The following PAK5 variants were observed in gnomAD, a reference collection of about 807,000 sequenced individuals.
The protein encoded by PAK5 is p21 (RAC1) activated kinase 5, also known as serine/threonine-protein kinase PAK 5.
In PAK5, 16 loss-of-function variants were observed where a neutral mutation model predicts 65.9. The observed-to-expected ratio is 0.24, with a 90% confidence interval of 0.16 to 0.37. The LOEUF (loss-of-function observed/expected upper bound fraction) is 0.37, where lower values mean the gene tolerates loss of function less well. PAK5 is among the 10% of genes least tolerant of loss of function. The pLI, the probability that PAK5 is intolerant of heterozygous loss-of-function variation, is 1.00. For synonymous variants in PAK5, 371 were observed against 354.9 expected (o/e 1.05, Z -0.51); for missense variants, 785 against 903.9 (o/e 0.87, Z 1.69).
At chr20:9,706,360 T>G (rs1364080563) in intron 2 of PAK5, among the ~76,000 whole-genome samples, 1 of 152,214 alleles carries the variant, frequency 6.6e-6, no homozygotes, top group African/African-American at 2.4e-5. Context: ...AGTCACATGC[T>G]GAAAAGTTAT....
rs989094433 is a variant in PAK5 at position 9,586,781 on chromosome 20, T to C, written c.205-5851A>G. Among the ~76,000 whole-genome samples, 5 of 152,286 alleles carry C rather than the reference T, an allele frequency of 3.3e-5. No individual in the cohort carries two copies. The East Asian group carries it at 9.6e-4, about 29-fold the overall frequency. ...GCCTCAGAACTGGGGACCTGCTCTT[T>C]CTGTGCACTTGTCACCAGGTATCCC... On this transcript the variant is annotated intron_variant, in intron 3 of 9. Coordinates refer to ENST00000353224, the MANE Select transcript of PAK5 (RefSeq NM_177990.4).
chr20:9,665,569 G>A (rs7271341), intron 2 of PAK5, among the ~76,000 whole-genome samples: 7,706 of 150,108 alleles, frequency 0.051, 217 homozygotes, highest in Middle Eastern at 0.087. Context: ...TGTAGTCTCA[G>A]TCTCCTGGGC....
In PAK5 at chr20:9,557,222, T is replaced by C. The variant is rs1320511078; in HGVS notation, c.1743+386A>G. ...CAAATTACCCAAGTGGAGTTGATCA[T>C]CTGTTACCTGCACGGGCTCTGGAAG... On this transcript the variant is annotated intron_variant, in intron 7 of 9. Coordinates refer to ENST00000353224, the MANE Select transcript of PAK5 (RefSeq NM_177990.4). Among the ~76,000 whole-genome samples the C allele has an allele frequency of 2.0e-5, 3 of 152,200 alleles. No homozygotes were observed. The East Asian group carries it at 5.8e-4, about 29-fold the overall frequency.
intron 4 of PAK5, among the ~76,000 whole-genome samples, chr20:9,572,062 G>A (rs535470119): frequency 7.7e-6 from 1 of 129,596 alleles, no homozygotes; most frequent in Non-Finnish European, 1.5e-5. Flanking sequence ...GACAAATTAA[G>A]GGTTTTTTTT....
At chr20:9,710,070 G>A (rs2048059667) in intron 2 of PAK5, among the ~76,000 whole-genome samples, 2 of 152,110 alleles carry the variant, frequency 1.3e-5, no homozygotes, top group Non-Finnish European at 2.9e-5. Flanking sequence ...GAATAACCCA[G>A]TATAAAAGTT....
At chr20:9,683,248 C>A (rs576682210) in intron 2 of PAK5, among the ~76,000 whole-genome samples, 1 of 152,354 alleles carries the variant, frequency 6.6e-6, no homozygotes, top group African/African-American at 2.4e-5. Context: ...AAAATACATG[C>A]CCCACAGTCG....
At chr20:9,718,533 CATTAAT>C (rs1477534634) in intron 1 of PAK5, among the ~76,000 whole-genome samples, 2 of 151,880 alleles carry the variant, frequency 1.3e-5, no homozygotes, top group African/African-American at 2.4e-5. Context: ...ACCTTGTCCT[CATTAAT>C]ATTGAGTTCT....
chr20:9,758,786 C>T (rs751183697), intron 1 of PAK5, among the ~76,000 whole-genome samples: 5 of 152,138 alleles, frequency 3.3e-5, no homozygotes, highest in Non-Finnish European at 7.4e-5. Context: ...CTATTTATGT[C>T]CTTGCCCCAG....
At chr20:9,641,747 T>C (rs1009771383) in intron 3 of PAK5, among the ~76,000 whole-genome samples, 30 of 152,210 alleles carry the variant, frequency 2.0e-4, no homozygotes, top group Middle Eastern at 6.8e-3. Flanking sequence ...GGAAGGCAGC[T>C]AAGGCCCGGC....
chr20:9,765,661 C>T (rs2048748929), intron 1 of PAK5, among the ~76,000 whole-genome samples: 1 of 152,122 alleles, frequency 6.6e-6, no homozygotes, highest in Non-Finnish European at 1.5e-5. Context: ...AAGCCGCCCT[C>T]TCCCTGCTTC....
chr20:9,695,229 C>A (rs1189332138), intron 2 of PAK5, among the ~76,000 whole-genome samples: 1 of 152,008 alleles, frequency 6.6e-6, no homozygotes, highest in Non-Finnish European at 1.5e-5. Context: ...AGGTTCTCTT[C>A]CTTTTTCTTA....
At chr20:9,768,096 C>A (rs1334092753) in intron 1 of PAK5, among the ~76,000 whole-genome samples, 1 of 152,172 alleles carries the variant, frequency 6.6e-6, no homozygotes. Context: ...CTATGGACAA[C>A]TTTTATTTTT....
At chr20:9,785,114 C>G (rs1362395817) in intron 1 of PAK5, among the ~76,000 whole-genome samples, 1 of 151,980 alleles carries the variant, frequency 6.6e-6, no homozygotes, top group African/African-American at 2.4e-5. Flanking sequence ...AATCAAATAT[C>G]ATAACCCCTG....
intron 2 of PAK5, among the ~76,000 whole-genome samples, chr20:9,679,325 T>A (rs1462112680): frequency 6.6e-6 from 1 of 151,944 alleles, no homozygotes; most frequent in Non-Finnish European, 1.5e-5. Flanking sequence ...TTTGGGGGAG[T>A]CAAAAGTTAT....
intron 7 of PAK5, among the ~76,000 whole-genome samples, chr20:9,551,155 T>C (rs1166333294): frequency 6.6e-6 from 1 of 152,140 alleles, no homozygotes; most frequent in East Asian, 1.9e-4. Context: ...GCACACAACA[T>C]TTGTCCAAAT....
intron 2 of PAK5, among the ~76,000 whole-genome samples, chr20:9,665,094 T>TTTTTTTTTTTTTTTTTTG (rs1401191436): frequency 2.1e-5 from 3 of 143,100 alleles, no homozygotes; most frequent in Admixed American, 7.1e-5. Flanking sequence ...TGTTTTTTTT[T>TTTTTTTTTTTTTTTTTTG]TTTTTTGTAG....
At chr20:9,675,882 G>A (rs2047563717) in intron 2 of PAK5, among the ~76,000 whole-genome samples, 1 of 146,078 alleles carries the variant, frequency 6.8e-6, no homozygotes. Flanking sequence ...TATGAGCAAT[G>A]TTTAATTTTT....
At chr20:9,790,975 T>C (rs780192128) in intron 1 of PAK5, among the ~76,000 whole-genome samples, 5 of 152,144 alleles carry the variant, frequency 3.3e-5, no homozygotes, top group Non-Finnish European at 7.4e-5. Flanking sequence ...GTTACATTCC[T>C]TGGCTTCCAT....
intron 1 of PAK5, among the ~76,000 whole-genome samples, chr20:9,748,628 A>G (rs1388498781): frequency 1.3e-5 from 2 of 152,166 alleles, no homozygotes; most frequent in Non-Finnish European, 2.9e-5. Context: ...AACATACTAC[A>G]GTAAAGTGCA....
Sources: gnomAD v4.1 joint callset for allele counts (sites outside exome capture counted in the v4.1 genomes callset) on GRCh38, gnomAD v4.1.1 for gene constraint, MANE v1.5 for transcripts, NCBI Gene and HGNC (gene_info 2026-07-23, HGNC 2026-07-21) for gene names.